Variants in TMEM232 observed in about 807,000 individuals in gnomAD.
TMEM232 encodes transmembrane protein 232.
A neutral mutation model predicts 78.8 loss-of-function variants in TMEM232; 80 were observed. The ratio of observed to expected loss-of-function variants is 1.01; its 90% CI spans 0.85 to 1.22. The LOEUF is 1.22. Ranked by LOEUF, TMEM232 falls within the 50% of genes most tolerant of loss-of-function variation. The pLI is 0.00. For synonymous variants in TMEM232, 297 were observed against 254.3 expected (o/e 1.17, Z -1.60); for missense variants, 881 against 742.2 (o/e 1.19, Z -2.17).
intron 10 of TMEM232, among the ~76,000 whole-genome samples, chr5:110,587,946 C>CAT (rs1042749773): frequency 6.0e-5 from 9 of 150,304 alleles, no homozygotes; most frequent in Non-Finnish European, 1.3e-4. Context: ...ATTGCTAACA[C>CAT]ATATATATAT....
intron 1 of TMEM232, among the ~76,000 whole-genome samples, chr5:110,686,367 A>T (rs575926514): frequency 6.6e-6 from 1 of 152,120 alleles, no homozygotes; most frequent in African/African-American, 2.4e-5. Context: ...GATCAGGTTT[A>T]TAGTTCTAAC....
At chr5:110,410,389 A>G (rs984436028) in intron 2 of TMEM232, among the ~76,000 whole-genome samples, 3 of 152,252 alleles carry the variant, frequency 2.0e-5, no homozygotes, top group African/African-American at 2.4e-5. Context: ...GCTTGAGGAT[A>G]CTGAAGGAAT....
chr5:110,581,110 A>G (rs1211399285), intron 10 of TMEM232, among the ~76,000 whole-genome samples: 1 of 151,770 alleles, frequency 6.6e-6, no homozygotes, highest in Non-Finnish European at 1.5e-5. Context: ...CAGAGTCAAC[A>G]CAATTCTTAC....
At chr5:110,595,481 C>G (rs1034412747) in intron 10 of TMEM232, among the ~76,000 whole-genome samples, 8 of 152,208 alleles carry the variant, frequency 5.3e-5, no homozygotes, top group African/African-American at 1.9e-4. Flanking sequence ...CTCCTCTGAG[C>G]TAAAGGAGCA....
At chr5:110,394,009 T>C (rs115286733) in intron 3 of TMEM232, among the ~76,000 whole-genome samples, 1,831 of 150,950 alleles carry the variant, frequency 0.012, 35 homozygotes, top group African/African-American at 0.043. Flanking sequence ...GTAGTCACCA[T>C]GTGGTGCTAT....
At chr5:110,589,914 C>T (rs1410347754) in intron 10 of TMEM232, among the ~76,000 whole-genome samples, 1 of 152,052 alleles carries the variant, frequency 6.6e-6, no homozygotes, top group African/African-American at 2.4e-5. Flanking sequence ...TTTTTCAGCT[C>T]AAAATAATCT....
At chr5:110,643,134 GAGAA>G (rs1408630030) in intron 2 of TMEM232, among the ~76,000 whole-genome samples, 14 of 152,190 alleles carry the variant, frequency 9.2e-5, no homozygotes, top group African/African-American at 3.4e-4. Context: ...TTAGGCATGA[GAGAA>G]AGAAAGAAGT....
rs1308277467 is a variant in TMEM232 at position 110,454,822 on chromosome 5, G to C, written c.1704-29906C>G. On this transcript the variant is annotated intron_variant, in intron 12 of 13. Coordinates refer to ENST00000455884, the MANE Select transcript of TMEM232 (RefSeq NM_001039763.4). ...CAAATTAAACCCTTAGAAGGAAAGG[G>C]AGGTATAATAGATAAGAGGTGCATT... is the stretch of plus-strand genomic sequence containing the variant. 7.6e-5 allele frequency among the ~76,000 whole-genome samples: 10 copies of C among 132,162 alleles called. No homozygotes were observed. In the East Asian group the frequency reaches 1.4e-3, roughly 18 times the overall value. The allele number at this position is 132,162 out of a possible 152,430, so 86.7% of individuals were successfully genotyped here.
chr5:110,538,612 C>T (rs1204751873), intron 11 of TMEM232, among the ~76,000 whole-genome samples: 3 of 152,162 alleles, frequency 2.0e-5, no homozygotes, highest in Admixed American at 6.6e-5. Context: ...AGTTACAAAC[C>T]CTGTCACTGG....
chr5:110,656,505 A>T (rs758502033), intron 2 of TMEM232, among the ~76,000 whole-genome samples: 8 of 152,206 alleles, frequency 5.3e-5, no homozygotes, highest in Non-Finnish European at 1.0e-4. Flanking sequence ...AAAGACAATG[A>T]TAGAAAATGT....
chr5:110,699,979 T>C (rs546460039), intron 1 of TMEM232, among the ~76,000 whole-genome samples: 1 of 152,178 alleles, frequency 6.6e-6, no homozygotes, highest in South Asian at 2.1e-4. Context: ...AACCTGACTA[T>C]TGAGATTTAT....
chr5:110,417,836 A>G (rs892902425), downstream of TMEM232: 1 of 152,006 alleles, frequency 6.6e-6, no homozygotes, highest in African/African-American at 2.4e-5. Flanking sequence ...CATCAGGAAG[A>G]GTTTCAGGAT....
intron 2 of TMEM232, among the ~76,000 whole-genome samples, chr5:110,651,442 GAGGAAA>G (rs929775637): frequency 4.6e-5 from 7 of 150,590 alleles, no homozygotes; most frequent in African/African-American, 1.5e-4. Context: ...AAGGGAAGGG[GAGGAAA>G]AGGGAAAGGG....
At chr5:110,621,797 C>T (rs968719242) in intron 7 of TMEM232, among the ~76,000 whole-genome samples, 2 of 152,016 alleles carry the variant, frequency 1.3e-5, no homozygotes, top group African/African-American at 2.4e-5. Context: ...TCGTCTCCCT[C>T]CCTTGCTGTC....
chr5:110,567,189 C>T (rs1473953731), intron 11 of TMEM232, among the ~76,000 whole-genome samples: 2 of 151,638 alleles, frequency 1.3e-5, no homozygotes, highest in African/African-American at 2.4e-5. Context: ...GGGTCACAGC[C>T]AAACCATATC....
chr5:110,595,325 T>C (rs757804173), intron 10 of TMEM232, among the ~76,000 whole-genome samples: 3 of 152,176 alleles, frequency 2.0e-5, no homozygotes, highest in Non-Finnish European at 4.4e-5. Flanking sequence ...GGAAAACCAG[T>C]GCAAAAATGC....
intron 12 of TMEM232, among the ~76,000 whole-genome samples, chr5:110,497,821 T>C (rs954068926): frequency 1.1e-4 from 16 of 152,238 alleles, no homozygotes; most frequent in African/African-American, 3.8e-4. Flanking sequence ...GTGAAGGGAA[T>C]GAGAACAAAT....
At chr5:110,733,787 T>C (rs180751305) in intron 2 of TMEM232, among the ~76,000 whole-genome samples, 13 of 152,266 alleles carry the variant, frequency 8.5e-5, no homozygotes, top group Admixed American at 1.3e-4. Flanking sequence ...CCCTGTGACA[T>C]AAATTTAGCT....
At chr5:110,451,712 A>G (rs1433629609) in intron 12 of TMEM232, among the ~76,000 whole-genome samples, 3 of 152,140 alleles carry the variant, frequency 2.0e-5, no homozygotes, top group African/African-American at 7.2e-5. Context: ...TCTTCCAGCA[A>G]GAAGCTTTCT....
Sources: gnomAD v4.1 joint callset for allele counts (sites outside exome capture counted in the v4.1 genomes callset) on GRCh38, gnomAD v4.1.1 for gene constraint, MANE v1.5 for transcripts, NCBI Gene and HGNC (gene_info 2026-07-23, HGNC 2026-07-21) for gene names.